DLC1: variants seen among roughly 807,000 people sequenced by gnomAD.
DLC1 encodes DLC1 Rho GTPase activating protein.
Under a neutral mutation model 140.3 loss-of-function variants are expected in DLC1, and 54 were observed. The ratio of observed to expected loss-of-function variants is 0.38; its 90% CI spans 0.31 to 0.48. The LOEUF is 0.48. DLC1 is among the 20% of genes least tolerant of loss of function. The probability of loss-of-function intolerance (pLI) is 0.96; values close to 1 mark genes in which losing one functional copy is unlikely to be tolerated. For synonymous variants in DLC1, 986 were observed against 728.1 expected (o/e 1.35, Z -5.70); for missense variants, 2,536 against 1,907.0 (o/e 1.33, Z -6.14).
chr8:13,497,089 C>T (rs1402367913), intron 2 of DLC1, among the ~76,000 whole-genome samples: 1 of 152,008 alleles, frequency 6.6e-6, no homozygotes, highest in Non-Finnish European at 1.5e-5. Context: ...CATGAGACAC[C>T]GCGCCTGGCC....
chr8:13,187,418 G>C (rs887558421), intron 5 of DLC1, among the ~76,000 whole-genome samples: 4 of 152,136 alleles, frequency 2.6e-5, no homozygotes, highest in Non-Finnish European at 5.9e-5. Flanking sequence ...GGCAGAGATT[G>C]TGTCATGTTA....
chr8:13,463,903 C>T (rs1476984809), intron 2 of DLC1, among the ~76,000 whole-genome samples: 1 of 152,062 alleles, frequency 6.6e-6, no homozygotes, highest in African/African-American at 2.4e-5. Context: ...AAAAATGGAG[C>T]TAACCTATTT....
intron 4 of DLC1, among the ~76,000 whole-genome samples, chr8:13,347,559 G>A (rs985798681): frequency 6.6e-6 from 1 of 152,138 alleles, no homozygotes; most frequent in Non-Finnish European, 1.5e-5. Context: ...GTATATTTAA[G>A]ACTTGAATTA....
chr8:13,432,289 A>G (rs1424559937), intron 2 of DLC1, among the ~76,000 whole-genome samples: 2 of 152,242 alleles, frequency 1.3e-5, no homozygotes, highest in Admixed American at 1.3e-4. Context: ...AATGAAAGAT[A>G]TCCTAAATAA....
chr8:13,585,792 C>G (rs559819109), intron 1 of DLC1, among the ~76,000 whole-genome samples: 1 of 152,276 alleles, frequency 6.6e-6, no homozygotes, highest in East Asian at 1.9e-4. Context: ...ATATCCCTAT[C>G]CAAATTTTCC....
chr8:13,586,235 G>T (rs1048176387), intron 1 of DLC1, among the ~76,000 whole-genome samples: 6 of 152,140 alleles, frequency 3.9e-5, no homozygotes, highest in Non-Finnish European at 8.8e-5. Flanking sequence ...GAGGCAGGAA[G>T]GGCAATTTGG....
intron 10 of DLC1, chr8:13,095,897 T>C (rs564337595): frequency 3.3e-5 from 5 of 152,242 alleles, no homozygotes; most frequent in African/African-American, 9.6e-5. Context: ...CAAAATAAAA[T>C]CTGCTGCTGA....
intron 5 of DLC1, among the ~76,000 whole-genome samples, chr8:13,265,003 A>G (rs1011413813): frequency 2.6e-5 from 4 of 152,228 alleles, no homozygotes; most frequent in African/African-American, 9.6e-5. Context: ...CCTACTCTTC[A>G]AAAGTTATTA....
intron 1 of DLC1, among the ~76,000 whole-genome samples, chr8:13,535,009 T>C (rs1034456019): frequency 3.9e-5 from 6 of 152,180 alleles, no homozygotes; most frequent in African/African-American, 1.4e-4. Flanking sequence ...TAATCACTAA[T>C]TCAATTTTTC....
intron 4 of DLC1, among the ~76,000 whole-genome samples, chr8:13,365,716 C>T (rs891322336): frequency 2.0e-5 from 3 of 152,030 alleles, no homozygotes; most frequent in African/African-American, 4.8e-5. Flanking sequence ...TAACTGCCTG[C>T]AGTGGGGAGA....
intron 1 of DLC1, among the ~76,000 whole-genome samples, chr8:13,572,125 T>C (rs554354597): frequency 6.7e-6 from 1 of 150,092 alleles, no homozygotes; most frequent in African/African-American, 2.4e-5. Flanking sequence ...AGTCTCACTC[T>C]GTCACCCAGG....
At chr8:13,483,477 C>G (rs1321484417) in intron 2 of DLC1, among the ~76,000 whole-genome samples, 1 of 152,032 alleles carries the variant, frequency 6.6e-6, no homozygotes, top group Non-Finnish European at 1.5e-5. Context: ...GAAGGTGGCC[C>G]CATTTCAGTT....
chr8:13,411,800 A>G (rs902399567), intron 2 of DLC1, among the ~76,000 whole-genome samples: 1 of 152,136 alleles, frequency 6.6e-6, no homozygotes, highest in Non-Finnish European at 1.5e-5. Context: ...AAAATAATAA[A>G]TTTTGATTTA....
At chr8:13,405,171 C>T (rs888158074) in intron 2 of DLC1, among the ~76,000 whole-genome samples, 28 of 151,834 alleles carry the variant, frequency 1.8e-4, no homozygotes, top group African/African-American at 6.3e-4. Context: ...AGACTCAGAA[C>T]TGCATGTGCA....
chr8:13,470,767 A>G (rs1362998168), intron 2 of DLC1, among the ~76,000 whole-genome samples: 1 of 152,102 alleles, frequency 6.6e-6, no homozygotes, highest in Admixed American at 6.5e-5. Context: ...CAATCCCACT[A>G]CTCTGTATAT....
intron 2 of DLC1, among the ~76,000 whole-genome samples, chr8:13,423,590 A>G (rs187521520): frequency 2.0e-5 from 3 of 152,350 alleles, no homozygotes; most frequent in Non-Finnish European, 2.9e-5. Context: ...TATTAATACT[A>G]TGATTAATTG....
At chr8:13,160,132 T>G (rs1824571404) in intron 5 of DLC1, 1 of 152,298 alleles carries the variant, frequency 6.6e-6, no homozygotes, top group Non-Finnish European at 1.5e-5. Context: ...CACTCCAGTG[T>G]GGGCAACAGA....
At chr8:13,127,411 G>A (rs1254705626) in intron 5 of DLC1, among the ~76,000 whole-genome samples, 1 of 152,190 alleles carries the variant, frequency 6.6e-6, no homozygotes, top group Admixed American at 6.5e-5. Context: ...CCTTTGCCAA[G>A]TTCTGGAACT....
chr8:13,351,975 C>G (rs1156957057), intron 4 of DLC1, among the ~76,000 whole-genome samples: 7 of 152,222 alleles, frequency 4.6e-5, no homozygotes, highest in African/African-American at 1.7e-4. Flanking sequence ...CTCAGGTGAT[C>G]TGCCCGCCTT....
Sources: gnomAD v4.1 joint callset for allele counts (sites outside exome capture counted in the v4.1 genomes callset) on GRCh38, gnomAD v4.1.1 for gene constraint, MANE v1.5 for transcripts, NCBI Gene and HGNC (gene_info 2026-07-23, HGNC 2026-07-21) for gene names.